Variants in CNTN4 observed in about 807,000 individuals in gnomAD.
The protein encoded by CNTN4 is contactin 4, also known as contactin-4.
CNTN4 carries 77 observed loss-of-function variants against 122.5 expected under a neutral mutation model. That is an observed-to-expected ratio of 0.63 (90% CI 0.52 to 0.76). The LOEUF (loss-of-function observed/expected upper bound fraction) is 0.76. Ranked by LOEUF, CNTN4 falls within the 30% of genes least tolerant of loss-of-function variation. CNTN4 has a pLI of 0.00. For synonymous variants in CNTN4, 512 were observed against 447.0 expected, an observed-to-expected ratio of 1.15 and a Z score of -1.83; for missense variants, 1,256 against 1,259.1, an observed-to-expected ratio of 1.00 and a Z score of 0.04.
At chr3:2,253,114 A>G (rs1197317067) in intron 2 of CNTN4, among the ~76,000 whole-genome samples, 2 of 148,534 alleles carry the variant, frequency 1.3e-5, no homozygotes, top group South Asian at 2.1e-4. Flanking sequence ...TAGTAGTTTC[A>G]TTTTTTTTTC....
At chr3:3,017,747 G>A (rs1305339037) in intron 14 of CNTN4, among the ~76,000 whole-genome samples, 1 of 152,152 alleles carries the variant, frequency 6.6e-6, no homozygotes, top group African/African-American at 2.4e-5. Flanking sequence ...GGGAGAAGTG[G>A]GTGCTCACGA....
intron 7 of CNTN4, among the ~76,000 whole-genome samples, chr3:2,838,307 G>A (rs891069933): frequency 1.3e-5 from 2 of 152,126 alleles, no homozygotes; most frequent in African/African-American, 4.8e-5. Context: ...CCTAGCTTTA[G>A]AAACTCTCAT....
At chr3:2,828,377 T>C (rs564507976) in intron 7 of CNTN4, among the ~76,000 whole-genome samples, 2 of 152,180 alleles carry the variant, frequency 1.3e-5, no homozygotes, top group Non-Finnish European at 2.9e-5. Context: ...ACTGACCGTC[T>C]TGGAAATCAG....
chr3:2,178,120 A>G lies in CNTN4; in HGVS notation c.-145+77481A>G, dbSNP rs191060618. The stretch of plus-strand genomic sequence containing the variant: ...TAGCAGGATGCACTGCTTTCATAGC[A>G]TGCATTTCATGCTGCCTGGTGTTGA... On this transcript the variant is annotated intron_variant, in intron 2 of 24. Coordinates refer to ENST00000418658, the MANE Select transcript of CNTN4 (RefSeq NM_175607.3). 3.7e-3 allele frequency among the ~76,000 whole-genome samples: 568 copies of G among 151,930 alleles called. 3 individuals carry two copies. The highest frequency in any genetic ancestry group is 5.2e-3 in the Non-Finnish European group (355 of 67,976).
chr3:2,738,106 A>G (rs937202935), intron 5 of CNTN4, among the ~76,000 whole-genome samples: 40 of 152,220 alleles, frequency 2.6e-4, no homozygotes, highest in African/African-American at 9.6e-4. Context: ...GAAGGCTAAG[A>G]ATTTTCCAAA....
chr3:2,101,444 A>G (rs1160295603), intron 2 of CNTN4, among the ~76,000 whole-genome samples: 2 of 152,204 alleles, frequency 1.3e-5, no homozygotes, highest in East Asian at 3.9e-4. Context: ...ATTAGCTTCA[A>G]TCTCTCTTAT....
chr3:2,256,481 A>C (rs1320995554), intron 2 of CNTN4, among the ~76,000 whole-genome samples: 1 of 152,206 alleles, frequency 6.6e-6, no homozygotes, highest in Non-Finnish European at 1.5e-5. Context: ...TGGCAGAGAC[A>C]CAACAAAAAA....
At chr3:2,521,372 A>C in intron 3 of CNTN4, among the ~76,000 whole-genome samples, 1 of 109,556 alleles carries the variant, frequency 9.1e-6, no homozygotes, top group African/African-American at 3.8e-5. Context: ...TAAGTCACTC[A>C]TTTCTCAGGT....
At chr3:2,105,768 A>G (rs1441692475) in intron 2 of CNTN4, among the ~76,000 whole-genome samples, 2 of 152,122 alleles carry the variant, frequency 1.3e-5, no homozygotes, top group Non-Finnish European at 2.9e-5. Context: ...ACATTTCAAC[A>G]TGCCTTCCCA....
At chr3:2,824,454 C>G (rs1218309976) in intron 7 of CNTN4, among the ~76,000 whole-genome samples, 3 of 132,416 alleles carry the variant, frequency 2.3e-5, no homozygotes, top group Admixed American at 7.6e-5. Flanking sequence ...GAGACTCTGG[C>G]TCAAAAAAAA....
chr3:2,300,680 C>T (rs964068977), intron 2 of CNTN4, among the ~76,000 whole-genome samples: 4 of 144,796 alleles, frequency 2.8e-5, no homozygotes, highest in Non-Finnish European at 6.0e-5. Flanking sequence ...CAAGCGATTT[C>T]CCTGCCTCAG....
chr3:2,376,086 C>T lies in CNTN4; in HGVS notation c.-89+36853C>T, dbSNP rs577164665. On this transcript the variant is annotated intron_variant, in intron 3 of 24. Coordinates refer to ENST00000418658, the MANE Select transcript of CNTN4 (RefSeq NM_175607.3). ...TGAAAGAAAAAAAATATGAAATAAA[C>T]ACTTACTATTCTGTTACAAGGTAAC... Among the ~76,000 whole-genome samples the T allele has an allele frequency of 1.3e-4, 20 of 152,132 alleles. No individual in the cohort carries two copies. The South Asian group carries it at 3.9e-3, about 30-fold the overall frequency.
chr3:2,665,049 C>A (rs1048653319), intron 4 of CNTN4, among the ~76,000 whole-genome samples: 1 of 152,134 alleles, frequency 6.6e-6, no homozygotes, highest in African/African-American at 2.4e-5. Context: ...CTCCGGGACA[C>A]CTAGTTGTAT....
At chr3:2,953,544 G>A (rs758378405) in intron 13 of CNTN4, among the ~76,000 whole-genome samples, 2 of 151,200 alleles carry the variant, frequency 1.3e-5, no homozygotes, top group African/African-American at 4.9e-5. Context: ...GGCCTTTTTT[G>A]TATATGTCCC....
At chr3:3,003,582 G>A (rs1489561807) in intron 14 of CNTN4, among the ~76,000 whole-genome samples, 1 of 150,856 alleles carries the variant, frequency 6.6e-6, no homozygotes, top group Non-Finnish European at 1.5e-5. Flanking sequence ...AGCTGCCAGG[G>A]GATTCAAGGA....
At chr3:2,935,486 C>A (rs989722286) in intron 13 of CNTN4, among the ~76,000 whole-genome samples, 2 of 152,144 alleles carry the variant, frequency 1.3e-5, no homozygotes, top group Non-Finnish European at 2.9e-5. Context: ...TTCATTGGAA[C>A]CAGCCCTCAC....
At chr3:2,305,320 A>G (rs1220623556) in intron 2 of CNTN4, among the ~76,000 whole-genome samples, 4 of 152,178 alleles carry the variant, frequency 2.6e-5, no homozygotes, top group Admixed American at 6.5e-5. Context: ...AATTGTTCCT[A>G]TAAATGAATT....
At chr3:2,842,986 A>G (rs776045341) in intron 7 of CNTN4, among the ~76,000 whole-genome samples, 2 of 152,056 alleles carry the variant, frequency 1.3e-5, no homozygotes, top group East Asian at 1.9e-4. Flanking sequence ...ATCCAGTCCA[A>G]TGGCTTCAAA....
intron 3 of CNTN4, among the ~76,000 whole-genome samples, chr3:2,396,599 A>G (rs1269232958): frequency 6.6e-6 from 1 of 151,956 alleles, no homozygotes; most frequent in Admixed American, 6.6e-5. Flanking sequence ...TGATGCCACA[A>G]GAAACCCAGC....
Sources: allele counts gnomAD v4.1 joint callset (sites outside exome capture counted in the v4.1 genomes callset), GRCh38; gene constraint gnomAD v4.1.1; transcripts MANE v1.5; gene names NCBI Gene and HGNC (gene_info 2026-07-23, HGNC 2026-07-21).